Variants in LRRC36 observed in about 807,000 individuals in gnomAD.
The protein encoded by LRRC36 is leucine-rich repeat-containing protein 36.
In LRRC36, 62 loss-of-function variants were observed where a neutral mutation model predicts 81.1. The ratio of observed to expected loss-of-function variants is 0.76; its 90% CI spans 0.62 to 0.94. The LOEUF (loss-of-function observed/expected upper bound fraction) is 0.94. Ranked by LOEUF, LRRC36 falls within the 40% of genes least tolerant of loss-of-function variation. LRRC36 has a pLI of 0.00. For missense variants in LRRC36, 761 were observed against 881.7 expected, an observed-to-expected ratio of 0.86 and a Z score of 1.73; for synonymous variants, 334 against 348.6, an observed-to-expected ratio of 0.96 and a Z score of 0.47.
intron 4 of LRRC36, 74 bp from the exon 5 acceptor site, chr16:67,350,127 TA>T: frequency 1.0e-6 from 1 of 1,004,404 alleles, no homozygotes; most frequent in Non-Finnish European, 1.5e-6. Flanking sequence ...GACTGCTTTC[TA>T]AATAGCATTT....
intron 2 of LRRC36, among the ~76,000 whole-genome samples, chr16:67,345,603 A>G (rs1405256171): frequency 2.0e-5 from 3 of 152,108 alleles, no homozygotes; most frequent in Non-Finnish European, 4.4e-5. Flanking sequence ...ATTAAATGGG[A>G]AGCTTGCGTG....
intron 7 of LRRC36, among the ~76,000 whole-genome samples, chr16:67,366,078 G>A (rs2039369829): frequency 6.6e-6 from 1 of 151,936 alleles, no homozygotes; most frequent in African/African-American, 2.4e-5. Flanking sequence ...CATTCTTGAA[G>A]GGTATTTTAG....
chr16:67,362,167 T>C (rs2039179607), intron 5 of LRRC36: 1 of 453,594 alleles, frequency 2.2e-6, no homozygotes, highest in Non-Finnish European at 4.4e-6. Context: ...TGTTTTGTTT[T>C]GTTTTTTCTT....
intron 1 of LRRC36, among the ~76,000 whole-genome samples, chr16:67,328,173 A>G (rs986429812): frequency 4.6e-5 from 7 of 152,062 alleles, no homozygotes; most frequent in Non-Finnish European, 8.8e-5. Flanking sequence ...ACTCATTTTG[A>G]CTGTTAAAAT....
chr16:67,347,203 G>A (rs1209598267), intron 3 of LRRC36: 3 of 324,722 alleles, frequency 9.2e-6, no homozygotes, highest in Non-Finnish European at 1.7e-5. Flanking sequence ...TTCAGACAAT[G>A]GTATGACTTT....
chr16:67,342,328 G>C (rs16957327), intron 2 of LRRC36, among the ~76,000 whole-genome samples: 13,474 of 152,038 alleles, frequency 0.089, 985 homozygotes, highest in African/African-American at 0.21. Flanking sequence ...TCACTGTCTA[G>C]GGCAAATGCA....
intron 5 of LRRC36, among the ~76,000 whole-genome samples, chr16:67,352,232 C>T (rs142359784): frequency 0.029 from 4,411 of 152,274 alleles, 79 homozygotes; most frequent in Middle Eastern, 0.12. Flanking sequence ...TACTTCGAAA[C>T]GTTAAGGAGC....
intron 5 of LRRC36, among the ~76,000 whole-genome samples, chr16:67,362,900 C>T (rs1241211902): frequency 6.6e-6 from 1 of 152,088 alleles, no homozygotes; most frequent in Non-Finnish European, 1.5e-5. Context: ...GCCTTAGCCT[C>T]CTGAGTAGCT....
In LRRC36 at chr16:67,363,677, G is replaced by C. The variant is rs9922085; in HGVS notation, c.665G>C (p.Arg222Pro). 0.07 allele frequency: 112,522 copies of C among 1,613,452 alleles called. 12,627 individuals are homozygous for C. The highest frequency in any genetic ancestry group is 0.52 in the African/African-American group (39,159 of 74,872). ...STSATQGNGT[R>P]DQKLDTFPLG... is the part of the protein sequence containing the mutation. ...TCTGCAACTCAGGGCAATGGTACAC[G>C]TGATCAGAAATTAGACACCTTCCCA... Residue 222 changes from arginine (R) to proline (P), a missense_variant, in exon 6 of 14, where the codon CGT becomes CCT. Coordinates refer to ENST00000329956, the MANE Select transcript of LRRC36 (RefSeq NM_018296.6).
In LRRC36 at chr16:67,347,509, C is replaced by A; in HGVS notation, c.406C>A (p.Arg136Ser). The change falls in exon 4 of 14, where the codon CGT (arginine) becomes AGT (serine). Residue 136 changes from arginine to serine, a missense_variant. Transcript: ENST00000329956. ...TLEKLDDRTV[R>S]EGERKAAKLH... Reference sequence around the variant, plus strand: ...TTTGCCTCCAGATGACCGAACTGTACGTGAAGGTGAGAGAAAAGCTGCCAA... The same window carrying A: ...TTTGCCTCCAGATGACCGAACTGTAAGTGAAGGTGAGAGAAAAGCTGCCAA... 1 of 1,613,056 alleles carries A rather than the reference C, an allele frequency of 6.2e-7. No individual in the cohort carries two copies. Among genetic ancestry groups the A allele is most frequent in the Non-Finnish European group, 8.5e-7 (1 of 1,179,252 alleles).
chr16:67,380,664 C>A (rs927285488), intron 12 of LRRC36, among the ~76,000 whole-genome samples: 11 of 152,294 alleles, frequency 7.2e-5, no homozygotes, highest in African/African-American at 2.6e-4. Context: ...AGATATCAGT[C>A]TCCACTTACC....
At chr16:67,364,971 G>A (rs1321881873) in intron 6 of LRRC36, among the ~76,000 whole-genome samples, 1 of 152,106 alleles carries the variant, frequency 6.6e-6, no homozygotes, top group African/African-American at 2.4e-5. Context: ...TTATCAGCTG[G>A]TAAAATAAGC....
At chr16:67,341,536 C>T (rs929065827) in intron 1 of LRRC36, among the ~76,000 whole-genome samples, 1 of 151,710 alleles carries the variant, frequency 6.6e-6, no homozygotes, top group South Asian at 2.1e-4. Context: ...GCTGATGGAC[C>T]TTTGACAGTT....
rs554439954 is a variant in LRRC36 at position 67,381,791 on chromosome 16, G to A, written c.1931-342G>A. Reference sequence around the variant, plus strand: ...CCACCACCACACCCAGCTAATTGTCGTATTTTTAGGAGAGACGGGGTTTCA... The same window carrying A: ...CCACCACCACACCCAGCTAATTGTCATATTTTTAGGAGAGACGGGGTTTCA... On this transcript the variant is annotated intron_variant, in intron 12 of 13. Coordinates refer to ENST00000329956, the MANE Select transcript of LRRC36 (RefSeq NM_018296.6). Among the ~76,000 whole-genome samples, 75 of 152,222 alleles carry A rather than the reference G, an allele frequency of 4.9e-4. 1 individual carries two copies. The highest frequency in any genetic ancestry group is 1.3e-3 in the African/African-American group (56 of 41,536).
rs557692686 is a variant in LRRC36, at chr16:67,375,152, T to C, written c.1495-95T>C. 9.0e-5 allele frequency: 122 copies of C among 1,360,642 alleles called. 1 individual carries two copies. The highest frequency in any genetic ancestry group is 1.2e-4 in the Non-Finnish European group (117 of 986,986). 84.3% of individuals were successfully genotyped at this position (1,360,642 alleles called of 1,614,324 possible). A position where few individuals can be genotyped will look rare whatever the true frequency, so the allele number is the denominator to read the frequency against. On this transcript the variant is annotated intron_variant, in intron 9 of 13. Coordinates refer to ENST00000329956, the MANE Select transcript of LRRC36 (RefSeq NM_018296.6). Reference sequence around the variant, plus strand: ...CAAAAAAAAATTAAAAAAAAAAAAGTCTCAATGTCTAAATTCTTACTTCCT... The same window carrying C: ...CAAAAAAAAATTAAAAAAAAAAAAGCCTCAATGTCTAAATTCTTACTTCCT...
At chr16:67,342,786 C>G (rs1194140954) in intron 2 of LRRC36, among the ~76,000 whole-genome samples, 1 of 152,168 alleles carries the variant, frequency 6.6e-6, no homozygotes, top group Non-Finnish European at 1.5e-5. Context: ...TGGCAAAGCC[C>G]TTCTATGCAA....
In LRRC36 at chr16:67,384,880, G is replaced by A; in HGVS notation, c.2056G>A (p.Val686Ile). 6.2e-7 allele frequency: 1 copy of A among 1,613,914 alleles called. No homozygotes were observed. The highest frequency in any genetic ancestry group is 8.5e-7 in the Non-Finnish European group (1 of 1,179,828). ...TCCCTTGGGCCTCAGATCCCTGGTG[G>A]TAACTAATGAGTATCTGCTGCAGCA... is the stretch of plus-strand genomic sequence containing the variant. The part of the protein sequence containing the change: ...ILHESQRSLV[V>I]TNEYLLQQLN... The change falls in exon 14 of 14, where the codon GTA becomes ATA. Residue 686 changes from valine (V) to isoleucine (I), a missense_variant. Physicochemically the swap from Val to Ile is conservative, Grantham distance 29. Coordinates refer to ENST00000329956, the MANE Select transcript of LRRC36 (RefSeq NM_018296.6).
At chr16:67,369,335 C>T (rs1477046573) in intron 8 of LRRC36, among the ~76,000 whole-genome samples, 1 of 152,072 alleles carries the variant, frequency 6.6e-6, no homozygotes, top group Non-Finnish European at 1.5e-5. Context: ...ATCCTGGAAG[C>T]CAAGTGAAGA....
At chr16:67,337,899 A>G (rs1270698062) in intron 1 of LRRC36, among the ~76,000 whole-genome samples, 1 of 152,034 alleles carries the variant, frequency 6.6e-6, no homozygotes, top group Non-Finnish European at 1.5e-5. Context: ...CAGCCTGCCC[A>G]ACATGGAGAA....
Sources: allele counts gnomAD v4.1 joint callset (sites outside exome capture counted in the v4.1 genomes callset), GRCh38; gene constraint gnomAD v4.1.1; transcripts MANE v1.5; gene names NCBI Gene and HGNC (gene_info 2026-07-23, HGNC 2026-07-21).